SHD: variants seen among roughly 807,000 people sequenced by gnomAD.
The protein encoded by SHD is Src homology 2 domain containing transforming protein D, also known as SH2 domain-containing adapter protein D.
In SHD, 29 loss-of-function variants were observed where a neutral mutation model predicts 31.2. The observed-to-expected ratio is 0.93, with a 90% CI of 0.69 to 1.27. The LOEUF (loss-of-function observed/expected upper bound fraction) is 1.27. SHD is among the 50% of genes most tolerant of loss of function. The pLI is 0.00. For synonymous variants in SHD, 208 were observed against 187.8 expected (o/e 1.11, Z -0.88); for missense variants, 520 against 453.8 (o/e 1.15, Z -1.33).
chr19:4,289,343 C>G (rs1971352735), intron 5 of SHD, among the ~76,000 whole-genome samples: 1 of 150,346 alleles, frequency 6.7e-6, no homozygotes, highest in East Asian at 2.0e-4. Context: ...GATCTCCTGA[C>G]CTCGTGATCC....
chr19:4,283,916 G>A (rs1001162998), intron 3 of SHD, among the ~76,000 whole-genome samples: 4 of 151,986 alleles, frequency 2.6e-5, no homozygotes, highest in African/African-American at 9.7e-5. Flanking sequence ...GTAAACTACA[G>A]GTGAATTTCC....
chr19:4,287,557 G>A (rs1971333227), intron 4 of SHD, among the ~76,000 whole-genome samples: 1 of 151,812 alleles, frequency 6.6e-6, no homozygotes, highest in African/African-American at 2.4e-5. Flanking sequence ...GGCCAAGGAG[G>A]GCAGATAACC....
Position 4,280,178 on chromosome 19 carries a change from A to AACC in SHD, c.116_118dup (p.Asn39_Leu40insHis). ...CCTGAGGGCCTACCGCGCGCAGAAG[A>AACC]ACCTGGACTTCGAGGACCCCTATGA... On this transcript the variant is annotated inframe_insertion, in exon 1 of 6. Coordinates refer to ENST00000543264, the MANE Select transcript of SHD (RefSeq NM_020209.4). 2 of 1,613,526 alleles carry AACC rather than the reference A, an allele frequency of 1.2e-6. No homozygotes were observed. Among genetic ancestry groups the AACC allele is most frequent in the Non-Finnish European group, 1.7e-6 (2 of 1,179,848 alleles).
chr19:4,280,405 C>T (rs200784585), intron 1 of SHD, 45 bp downstream of exon 1: 727 of 1,513,158 alleles, frequency 4.8e-4, no homozygotes, highest in Admixed American at 6.3e-4. Flanking sequence ...AGGGGAGGCT[C>T]AGGATGGGCT....
chr19:4,286,313 T>C (rs186793887), intron 4 of SHD, among the ~76,000 whole-genome samples: 5,181 of 140,102 alleles, frequency 0.037, 151 homozygotes, highest in Non-Finnish European at 0.057. Flanking sequence ...CCTTCCTTCC[T>C]TCCTACCTTC....
intron 4 of SHD, among the ~76,000 whole-genome samples, chr19:4,287,860 C>T (rs1971336184): frequency 6.6e-6 from 1 of 151,758 alleles, no homozygotes; most frequent in Non-Finnish European, 1.5e-5. Flanking sequence ...CATGCACCAG[C>T]TGTGACCCAA....
intron 4 of SHD, among the ~76,000 whole-genome samples, chr19:4,287,175 G>A (rs976734608): frequency 4.6e-5 from 7 of 151,650 alleles, no homozygotes; most frequent in African/African-American, 1.7e-4. Flanking sequence ...TACGAAAAAT[G>A]CAAAAAATTA....
intron 4 of SHD, among the ~76,000 whole-genome samples, chr19:4,287,307 G>C (rs567449044): frequency 2.7e-5 from 4 of 150,878 alleles, no homozygotes; most frequent in African/African-American, 4.9e-5. Context: ...ACTCCAGCCT[G>C]GGTGACAGAG....
intron 1 of SHD, among the ~76,000 whole-genome samples, chr19:4,282,221 AC>A (rs1568368239): frequency 6.6e-6 from 1 of 151,896 alleles, no homozygotes; most frequent in African/African-American, 2.4e-5. Flanking sequence ...GGAGTTGAAG[AC>A]CAGCCTGGCC....
chr19:4,288,313 C>A lies in SHD; in HGVS notation c.787C>A (p.Leu263Ile), dbSNP rs752844948. The change falls in exon 5 of 6, where the codon CTA (leucine) becomes ATA (isoleucine). Residue 263 changes from leucine to isoleucine, a missense_variant. Leu to Ile is a conservative substitution (Grantham distance 5). Coordinates refer to ENST00000543264, the MANE Select transcript of SHD (RefSeq NM_020209.4). ...GTCCCTCTGCAAGGAAGGCAGCTAC[C>A]TAGTGCGGCTCAGTGAGACCAACCC... ...LLSLCKEGSY[L>I]VRLSETNPQD... The A allele has an allele frequency of 1.3e-5, 21 of 1,613,844 alleles. No homozygotes were observed. The highest frequency in any genetic ancestry group is 5.1e-6 in the Non-Finnish European group (6 of 1,179,960).
chr19:4,280,926 C>G (rs1169622951), intron 1 of SHD, among the ~76,000 whole-genome samples: 1 of 151,980 alleles, frequency 6.6e-6, no homozygotes, highest in African/African-American at 2.4e-5. Context: ...TGGTCATCCC[C>G]TGCAGTCCCC....
rs139408064 is a variant in SHD, at chr19:4,284,408, T to G, written c.593-373T>G. ...TTATGACTGGGAGGGTATTTAGAGC[T>G]TAGTGCCTTTGTCCACCTGTCTGTA... On this transcript the variant is annotated intron_variant, in intron 3 of 5. Transcript: ENST00000543264. 8 of 169,314 alleles carry G rather than the reference T, an allele frequency of 4.7e-5. No homozygotes were observed. In the East Asian group the frequency reaches 1.3e-3, roughly 28 times the overall value. The allele number at this position is 169,314 out of a possible 1,614,324, so 10.5% of individuals were successfully genotyped here. A position where few individuals can be genotyped will look rare whatever the true frequency, so the allele number is the denominator to read the frequency against.
At position 4,283,193 on chromosome 19, in the gene SHD, T is replaced by C. The variant is rs114721648; in HGVS notation, c.543T>C (p.Tyr181=). The C allele has an allele frequency of 5.0e-5, 81 of 1,614,116 alleles. No homozygotes were observed. Among genetic ancestry groups the C allele is most frequent in the African/African-American group, 4.5e-4 (34 of 75,044 alleles). ...PQEDERPADE[Y]DQPWEWKKDH... ...AAGATGAACGGCCAGCAGATGAGTA[T>C]GATCAGCCCTGGGAGTGGAAGAAAG... Residue 181 remains tyrosine (Y), a synonymous_variant, in exon 3 of 6, where the codon TAT becomes TAC. Transcript: ENST00000543264.
At chr19:4,283,546 G>A (rs2144715831) in intron 3 of SHD, among the ~76,000 whole-genome samples, 1 of 150,374 alleles carries the variant, frequency 6.7e-6, no homozygotes, top group East Asian at 2.0e-4. Flanking sequence ...GGCAGGGGCA[G>A]CATTTCTTTA....
At chr19:4,283,004 A>T in intron 2 of SHD, 29 bp downstream of exon 2, 1 of 1,614,020 alleles carries the variant, frequency 6.2e-7, no homozygotes, top group Non-Finnish European at 8.5e-7. Context: ...GGGGAAGGTG[A>T]CAGGGTCCCA....
intron 5 of SHD, among the ~76,000 whole-genome samples, chr19:4,289,044 G>A (rs184923940): frequency 5.6e-4 from 85 of 151,684 alleles, no homozygotes; most frequent in Non-Finnish European, 1.6e-4. Flanking sequence ...GCTGAGGCAG[G>A]AGAATTGCTT....
rs1424691567 is a variant in SHD at position 4,279,479 on chromosome 19, G to A, written c.-585G>A. On this transcript the variant is annotated 5_prime_UTR_variant, in exon 1 of 6. Transcript: ENST00000543264. This position sits in a 1 kb window ranked among gnomAD's most constrained non-coding sequence, Gnocchi z 7.5. ...GGGACTGGGGGCTCCCCGCTGAGCC[G>A]AGAGGAGCGCGACAAAGGATGCGTC... is the stretch of plus-strand genomic sequence containing the variant. 2 of 152,336 alleles carry A rather than the reference G, an allele frequency of 1.3e-5. No homozygotes were observed. Among genetic ancestry groups the A allele is most frequent in the African/African-American group, 4.8e-5 (2 of 41,464 alleles). 9.4% of individuals were successfully genotyped at this position (152,336 alleles called of 1,614,324 possible). A position where few individuals can be genotyped will look rare whatever the true frequency, so the allele number is the denominator to read the frequency against.
chr19:4,284,731 C>T, intron 3 of SHD, 50 bp from the exon 4 acceptor site: 1 of 1,460,194 alleles, frequency 6.8e-7, no homozygotes, highest in Admixed American at 2.2e-5. Flanking sequence ...CTGCCCCGCC[C>T]CCCAAGGTAG....
chr19:4,285,921 C>T (rs1244964924), intron 4 of SHD, among the ~76,000 whole-genome samples: 4 of 94,390 alleles, frequency 4.2e-5, no homozygotes, highest in East Asian at 6.8e-4. Flanking sequence ...GACAGAGCCT[C>T]GCTCTTGTCG....
Sources: gnomAD v4.1 joint callset for allele counts (sites outside exome capture counted in the v4.1 genomes callset) on GRCh38, gnomAD v4.1.1 for gene constraint, Gnocchi (gnomAD v3.1) non-coding constraint, MANE v1.5 for transcripts, NCBI Gene and HGNC (gene_info 2026-07-23, HGNC 2026-07-21) for gene names.